The following SLC12A2 variants were observed in gnomAD, a reference collection of about 807,000 sequenced individuals.
The protein encoded by SLC12A2 is Na-K-2Cl cotransporter 1.
Under a neutral mutation model 136.3 loss-of-function variants are expected in SLC12A2, and 67 were observed. The ratio of observed to expected loss-of-function variants is 0.49; its 90% CI spans 0.40 to 0.60. The LOEUF is 0.60. Among genes scored for constraint, SLC12A2 ranks in the 20% least tolerant of loss-of-function variants. The pLI, the probability that SLC12A2 is intolerant of heterozygous loss-of-function variation, is 0.00. For synonymous variants in SLC12A2, 619 were observed against 562.9 expected (o/e 1.10, Z -1.41); for missense variants, 1,322 against 1,534.7 (o/e 0.86, Z 2.32).
intron 10 of SLC12A2, 38 bp from the exon 11 acceptor site, chr5:128,147,584 T>G: frequency 1.0e-4 from 135 of 1,303,858 alleles, no homozygotes; most frequent in Non-Finnish European, 1.4e-4. Context: ...GAATTGTTTG[T>G]GAGATTTATT....
At chr5:128,109,621 C>G in intron 1 of SLC12A2, 2 of 767,114 alleles carry the variant, frequency 2.6e-6, no homozygotes, top group Non-Finnish European at 4.8e-6. Context: ...TCCTTCCTAC[C>G]CAGTATTTCT....
intron 1 of SLC12A2, among the ~76,000 whole-genome samples, chr5:128,086,986 G>C (rs1217235047): frequency 6.6e-6 from 1 of 152,166 alleles, no homozygotes; most frequent in Non-Finnish European, 1.5e-5. Flanking sequence ...GGTCTACTAA[G>C]TGCATAATTA....
In SLC12A2 at chr5:128,189,025, A is replaced by T. The variant is rs973463494; in HGVS notation, c.*2394A>T. 1 of 152,334 alleles carries T rather than the reference A, an allele frequency of 6.6e-6. No individual in the cohort carries two copies. The highest frequency in any genetic ancestry group is 2.1e-4 in the South Asian group (1 of 4,822). 9.4% of individuals were successfully genotyped at this position (152,334 alleles called of 1,614,324 possible). A position where few individuals can be genotyped will look rare whatever the true frequency, so the allele number is the denominator to read the frequency against. On this transcript the variant is annotated 3_prime_UTR_variant, in exon 27 of 27. Coordinates refer to ENST00000262461, the MANE Select transcript of SLC12A2 (RefSeq NM_001046.3). ...CGTCATACATGTGGGTATAAAGTAC[A>T]TAAAATATATCTAACTATTCATAAT... is the stretch of plus-strand genomic sequence containing the variant.
At chr5:128,096,128 A>G (rs1760529050) in intron 1 of SLC12A2, among the ~76,000 whole-genome samples, 1 of 152,134 alleles carries the variant, frequency 6.6e-6, no homozygotes, top group Non-Finnish European at 1.5e-5. Context: ...AGAAGCTAGT[A>G]TCAACTTGTA....
intron 1 of SLC12A2, among the ~76,000 whole-genome samples, chr5:128,104,639 AG>A (rs1292916594): frequency 7.0e-6 from 1 of 142,760 alleles, no homozygotes; most frequent in African/African-American, 2.8e-5. Context: ...CTCAAAAAAA[AG>A]AAAAAAAAAT....
chr5:128,167,569 G>A (rs1763241543), intron 17 of SLC12A2, among the ~76,000 whole-genome samples, 192 bp from the exon 18 acceptor site: 4 of 151,858 alleles, frequency 2.6e-5, no homozygotes, highest in Admixed American at 2.6e-4. Context: ...ATATTTTTGT[G>A]TATGTTTAAT....
At chr5:128,124,815 G>A (rs1761722381) in intron 4 of SLC12A2, among the ~76,000 whole-genome samples, 1 of 152,168 alleles carries the variant, frequency 6.6e-6, no homozygotes, top group South Asian at 2.1e-4. Context: ...GGTATTGAAA[G>A]TGCTAACCCT....
intron 24 of SLC12A2, among the ~76,000 whole-genome samples, chr5:128,183,460 T>TTAGA (rs1176483759): frequency 6.6e-6 from 1 of 151,978 alleles, no homozygotes; most frequent in African/African-American, 2.4e-5. Flanking sequence ...AGAATTCCTT[T>TTAGA]TAGATAGAAA....
rs944570982 is a variant in SLC12A2 at position 128,189,476 on chromosome 5, T to A, written c.*2845T>A. 3.3e-5 allele frequency: 5 copies of A among 152,592 alleles called. No individual in the cohort carries two copies. 9.5% of individuals were successfully genotyped at this position (152,592 alleles called of 1,614,324 possible). A position where few individuals can be genotyped will look rare whatever the true frequency, so the allele number is the denominator to read the frequency against. On this transcript the variant is annotated 3_prime_UTR_variant, in exon 27 of 27. Coordinates refer to ENST00000262461, the MANE Select transcript of SLC12A2 (RefSeq NM_001046.3). ...TTTATATGCATTCTGACATTACATA[T>A]TTTTTAAGACTATGGAAATAATTTA...
Position 128,138,590 on chromosome 5 carries a change from T to C in SLC12A2, c.1409-7T>C. The C allele has an allele frequency of 1.2e-6, 2 of 1,603,386 alleles. No homozygotes were observed. The highest frequency in any genetic ancestry group is 4.5e-5 in the East Asian group (2 of 44,786). Reference sequence around the variant, plus strand: ...ATTAATTGTCAAGAATATTTTGTTCTCTGCAGCTGAAATATTTAATGAGAA... The same window carrying C: ...ATTAATTGTCAAGAATATTTTGTTCCCTGCAGCTGAAATATTTAATGAGAA... On this transcript the variant is annotated splice_region_variant and splice_polypyrimidine_tract_variant and intron_variant, in intron 7 of 26. Coordinates refer to ENST00000262461, the MANE Select transcript of SLC12A2 (RefSeq NM_001046.3).
intron 1 of SLC12A2, among the ~76,000 whole-genome samples, chr5:128,088,157 C>G (rs1490214709): frequency 6.6e-6 from 1 of 151,690 alleles, no homozygotes; most frequent in Non-Finnish European, 1.5e-5. Context: ...TAGGGTCTGG[C>G]ATTGGACTTG....
At chr5:128,162,279 CAGTT>C (rs1307833332) in intron 17 of SLC12A2, among the ~76,000 whole-genome samples, 1 of 151,778 alleles carries the variant, frequency 6.6e-6, no homozygotes, top group Non-Finnish European at 1.5e-5. Flanking sequence ...TAGCGATAGA[CAGTT>C]AGACGAATGG....
At chr5:128,088,312 A>C (rs1426003416) in intron 1 of SLC12A2, among the ~76,000 whole-genome samples, 2 of 152,182 alleles carry the variant, frequency 1.3e-5, no homozygotes, top group Non-Finnish European at 2.9e-5. Flanking sequence ...AACTCTTCAA[A>C]GCTGATGCTA....
Position 128,178,646 on chromosome 5 carries a change from A to G in SLC12A2, c.3057A>G (p.Gln1019=). 6.2e-7 allele frequency: 1 copy of G among 1,601,530 alleles called. No homozygotes were observed. Among genetic ancestry groups the G allele is most frequent in the South Asian group, 1.1e-5 (1 of 88,228 alleles). Residue 1019 remains glutamine (Q), a synonymous_variant, in exon 22 of 27, where the codon CAA becomes CAG. Transcript: ENST00000262461. ...LEASTQFQKK[Q]GKNTIDVWWL... ...CTAGTACACAGTTTCAGAAAAAACA[A>G]GGAAAGAATACTATTGATGTCTGGT...
In SLC12A2 at chr5:128,131,164, G is replaced by C. The variant is rs1762008263; in HGVS notation, c.1146G>C (p.Met382Ile). 6.2e-7 allele frequency: 1 copy of C among 1,614,126 alleles called. No homozygotes were observed. Among genetic ancestry groups the C allele is most frequent in the Non-Finnish European group, 8.5e-7 (1 of 1,180,018 alleles). Residue 382 changes from methionine (M) to isoleucine (I), a missense_variant, in exon 5 of 27, where the codon ATG becomes ATC. By Grantham distance (10) the Met-to-Ile change is conservative. This residue lies in a region of SLC12A2 where 71 missense variants were observed against 131.0 expected (regional missense o/e 0.54). Transcript: ENST00000262461. ...FAFANAVAVA[M>I]YVVGFAETVV... The stretch of plus-strand genomic sequence containing the variant: ...TTGCCAACGCTGTTGCAGTTGCTAT[G>C]TATGTGGTTGGATTTGCAGAAACCG...
At chr5:128,133,652 T>G (rs1012337821) in intron 5 of SLC12A2, among the ~76,000 whole-genome samples, 9 of 152,146 alleles carry the variant, frequency 5.9e-5, no homozygotes, top group South Asian at 2.1e-4. Context: ...ATCTTTAATT[T>G]TATCCTAGAT....
At chr5:128,174,315 G>C (rs1400155738) in intron 19 of SLC12A2, among the ~76,000 whole-genome samples, 1 of 152,110 alleles carries the variant, frequency 6.6e-6, no homozygotes, top group Non-Finnish European at 1.5e-5. Context: ...TGTTAGGCAT[G>C]TAAAAAGTTT....
chr5:128,146,838 C>T (rs1762543696), intron 10 of SLC12A2, among the ~76,000 whole-genome samples: 1 of 151,654 alleles, frequency 6.6e-6, no homozygotes. Context: ...TACATGATGG[C>T]ACTTACACAG....
intron 9 of SLC12A2, 54 bp downstream of exon 9, chr5:128,138,962 T>G: frequency 1.0e-5 from 11 of 1,103,170 alleles, no homozygotes; most frequent in Non-Finnish European, 1.5e-5. Flanking sequence ...ATGTACGTAC[T>G]ATAAATACTT....
Sources: gnomAD v4.1 joint callset for allele counts (sites outside exome capture counted in the v4.1 genomes callset) on GRCh38, gnomAD v4.1.1 for gene constraint, gnomAD v4.1.1 regional missense constraint, MANE v1.5 for transcripts, NCBI Gene and HGNC (gene_info 2026-07-23, HGNC 2026-07-21) for gene names.